The following SENP2 variants were observed in gnomAD, a reference collection of about 807,000 sequenced individuals.
SENP2 encodes sentrin-specific protease 2.
SENP2 carries 16 observed loss-of-function variants against 86.3 expected under a neutral mutation model. The observed-to-expected ratio is 0.19, with a 90% CI of 0.13 to 0.28. The LOEUF (loss-of-function observed/expected upper bound fraction) is 0.28, where lower values mean the gene tolerates loss of function less well. SENP2 is among the 10% of genes least tolerant of loss of function. SENP2 has a pLI of 1.00. For missense variants in SENP2, 552 were observed against 703.0 expected (o/e 0.79, Z 2.43); for synonymous variants, 222 against 238.7 (o/e 0.93, Z 0.64).
At chr3:185,621,255 A>C (rs950852373) in intron 13 of SENP2, among the ~76,000 whole-genome samples, 4 of 138,968 alleles carry the variant, frequency 2.9e-5, no homozygotes, top group Non-Finnish European at 4.7e-5. Flanking sequence ...AAGTCTCATC[A>C]CTCTGAGAGG....
In SENP2 at chr3:185,592,011, C is replaced by CTTTTTTTTTTTTTTTTTT. The variant is rs149268515; in HGVS notation, c.157+1848_157+1865dup. 1.7e-3 allele frequency among the ~76,000 whole-genome samples: 109 copies of CTTTTTTTTTTTTTTTTTT among 65,786 alleles called. 19 individuals are homozygous for CTTTTTTTTTTTTTTTTTT. Among genetic ancestry groups the CTTTTTTTTTTTTTTTTTT allele is most frequent in the Non-Finnish European group, 2.2e-3 (79 of 36,696 alleles). 43.2% of individuals were successfully genotyped at this position (65,786 alleles called of 152,430 possible). A position where few individuals can be genotyped will look rare whatever the true frequency, so the allele number is the denominator to read the frequency against. On this transcript the variant is annotated intron_variant, in intron 2 of 16. Transcript: ENST00000296257. Reference sequence around the variant, plus strand: ...CTGTCTTTAAGAACCGGTAATATTTCTTTTTTTTTTTTTTTTTTTTTTTGA... The same window carrying CTTTTTTTTTTTTTTTTTT: ...CTGTCTTTAAGAACCGGTAATATTTCTTTTTTTTTTTTTTTTTTTTTTTTTTTTTTTTTTTTTTTTTGA...
Position 185,631,411 on chromosome 3 carries a change from T to G in SENP2, c.*1567T>G, listed in dbSNP as rs1712449031. ...GGGTGATGACTGAAGCGGGAGCAGG[T>G]TGTACCACACCTCTCCCCCCCCCCT... On this transcript the variant is annotated 3_prime_UTR_variant, in exon 17 of 17. Coordinates refer to ENST00000296257, the MANE Select transcript of SENP2 (RefSeq NM_021627.3). 8.2e-6 allele frequency: 1 copy of G among 122,574 alleles called. No individual in the cohort carries two copies. The highest frequency in any genetic ancestry group is 1.7e-5 in the Non-Finnish European group (1 of 59,618). The allele number at this position is 122,574 out of a possible 1,614,324, so 7.6% of individuals were successfully genotyped here. A position where few individuals can be genotyped will look rare whatever the true frequency, so the allele number is the denominator to read the frequency against.
At chr3:185,607,617 A>G (rs1014538173) in intron 6 of SENP2, among the ~76,000 whole-genome samples, 6 of 152,336 alleles carry the variant, frequency 3.9e-5, no homozygotes, top group African/African-American at 1.4e-4. Flanking sequence ...GGCATGAGCC[A>G]CTGAGCCTGG....
intron 11 of SENP2, among the ~76,000 whole-genome samples, chr3:185,616,643 C>T (rs1296634923): frequency 1.3e-5 from 2 of 151,910 alleles, no homozygotes; most frequent in Non-Finnish European, 2.9e-5. Context: ...GGCGTGGTGG[C>T]GGGCGCCTGT....
intron 2 of SENP2, among the ~76,000 whole-genome samples, chr3:185,590,540 CTG>C (rs1385378715): frequency 1.3e-5 from 2 of 148,516 alleles, no homozygotes; most frequent in Non-Finnish European, 3.0e-5. Flanking sequence ...CAGAGCAGGA[CTG>C]TGTCAGGAAA....
At chr3:185,590,856 A>G (rs1341020043) in intron 2 of SENP2, among the ~76,000 whole-genome samples, 2 of 101,330 alleles carry the variant, frequency 2.0e-5, no homozygotes, top group Non-Finnish European at 3.7e-5. Flanking sequence ...CGACAGAGCG[A>G]CACTCCATCT....
chr3:185,611,684 C>A lies in SENP2; in HGVS notation c.756C>A (p.Thr252=). The change falls in exon 8 of 17, where the codon ACC becomes ACA. Residue 252 remains threonine (T), a synonymous_variant. Transcript: ENST00000296257. ...SQRSQMDTLK[T]KGWGEEQNHG... is the part of the protein sequence containing the mutation. Reference sequence around the variant, plus strand: ...GAAGTCAGATGGACACATTAAAGACCAAAGGCTGGGGGGAAGAGCAAAATC... The same window carrying A: ...GAAGTCAGATGGACACATTAAAGACAAAAGGCTGGGGGGAAGAGCAAAATC... The A allele has an allele frequency of 2.5e-6, 4 of 1,613,640 alleles. No homozygotes were observed. The highest frequency in any genetic ancestry group is 3.4e-6 in the Non-Finnish European group (4 of 1,179,870).
intron 13 of SENP2, 94 bp downstream of exon 13, chr3:185,619,596 C>A: frequency 1.1e-6 from 1 of 889,376 alleles, no homozygotes; most frequent in Non-Finnish European, 1.7e-6. Flanking sequence ...GTATAGAGGC[C>A]AATAGTATAT....
intron 11 of SENP2, among the ~76,000 whole-genome samples, chr3:185,616,824 G>A (rs1383809611): frequency 6.7e-6 from 1 of 149,390 alleles, no homozygotes; most frequent in Non-Finnish European, 1.5e-5. Context: ...TTACTATTAT[G>A]AAGGGAGCAA....
chr3:185,613,263 C>T (rs1156426256), intron 9 of SENP2, 82 bp from the exon 10 acceptor site: 24 of 848,064 alleles, frequency 2.8e-5, no homozygotes, highest in African/African-American at 1.4e-4. Flanking sequence ...GTACAAATTA[C>T]GAAATCTTAT....
chr3:185,615,669 T>A (rs1711571234), intron 11 of SENP2, among the ~76,000 whole-genome samples: 1 of 152,098 alleles, frequency 6.6e-6, no homozygotes, highest in Admixed American at 6.6e-5. Flanking sequence ...TCTATTGGGT[T>A]TATAGATTTA....
chr3:185,590,415 G>T (rs535012983), intron 2 of SENP2, among the ~76,000 whole-genome samples: 1 of 151,628 alleles, frequency 6.6e-6, no homozygotes, highest in African/African-American at 2.4e-5. Context: ...TGCTGTGGTG[G>T]CAGGAGCTTG....
Position 185,598,452 on chromosome 3 carries a change from T to C in SENP2, c.198T>C (p.Ala66=), listed in dbSNP as rs1204909210. The change falls in exon 3 of 17, where the codon GCT becomes GCC. Residue 66 remains alanine (A), a synonymous_variant. Transcript: ENST00000296257. ...AAGTGAAAAACAGTCTCTACAATGC[T>C]GCCAGCTTATTTGGATTCCCATTCC... ...IHQVKNSLYN[A]ASLFGFPFQL... 1 of 1,613,996 alleles carries C rather than the reference T, an allele frequency of 6.2e-7. No individual in the cohort carries two copies. Among genetic ancestry groups the C allele is most frequent in the Non-Finnish European group, 8.5e-7 (1 of 1,179,954 alleles).
At chr3:185,619,170 C>G in intron 12 of SENP2, 129 bp from the exon 13 acceptor site, 1 of 670,034 alleles carries the variant, frequency 1.5e-6, no homozygotes, top group Non-Finnish European at 2.6e-6. Context: ...TCCCTGTCTT[C>G]TACTATAGAC....
At position 185,587,570 on chromosome 3, in the gene SENP2, A is replaced by ATTTTTTTTTTTTTTT. The variant is rs398052522; in HGVS notation, c.101+1070_101+1071insTTTTTTTTTTTTTTT. On this transcript the variant is annotated intron_variant, in intron 1 of 16. Coordinates refer to ENST00000296257, the MANE Select transcript of SENP2 (RefSeq NM_021627.3). ...CTTCAACTTTAGTGATCAAGTGTTA[A>ATTTTTTTTTTTTTTT]TTTTTTTTTTTTTTGAGAAGGAGTC... Among the ~76,000 whole-genome samples the ATTTTTTTTTTTTTTT allele has an allele frequency of 5.4e-3, 645 of 118,598 alleles. 66 individuals carry two copies. Among genetic ancestry groups the ATTTTTTTTTTTTTTT allele is most frequent in the Admixed American group, 0.032 (340 of 10,540 alleles). The allele number at this position is 118,598 out of a possible 152,430, so 77.8% of individuals were successfully genotyped here. A position where few individuals can be genotyped will look rare whatever the true frequency, so the allele number is the denominator to read the frequency against.
At chr3:185,622,257 A>G (rs1470400002) in intron 14 of SENP2, among the ~76,000 whole-genome samples, 1 of 152,162 alleles carries the variant, frequency 6.6e-6, no homozygotes, top group African/African-American at 2.4e-5. Flanking sequence ...TATGCTTTCC[A>G]TGAGAGTTGG....
Position 185,614,551 on chromosome 3 carries a change from A to G in SENP2, c.934-13A>G. On this transcript the variant is annotated splice_polypyrimidine_tract_variant and intron_variant, in intron 10 of 16. Transcript: ENST00000296257. ...CAAACATGTCAGTAGAATTTAGATA[A>G]TTTTTTGATCAGAGGAGGGGATACC... 6.3e-7 allele frequency: 1 copy of G among 1,587,206 alleles called. No individual in the cohort carries two copies.
intron 5 of SENP2, among the ~76,000 whole-genome samples, chr3:185,601,854 T>C (rs1722357034): frequency 6.6e-6 from 1 of 152,004 alleles, no homozygotes; most frequent in African/African-American, 2.4e-5. Flanking sequence ...GCCAGGCCAG[T>C]CTCAAACTCC....
chr3:185,631,067 A>T lies in SENP2; in HGVS notation c.*1223A>T, dbSNP rs935056106. 2.0e-5 allele frequency: 3 copies of T among 152,118 alleles called. No homozygotes were observed. Among genetic ancestry groups the T allele is most frequent in the Non-Finnish European group, 4.4e-5 (3 of 68,016 alleles). The allele number at this position is 152,118 out of a possible 1,614,324, so 9.4% of individuals were successfully genotyped here. ...TCTAGTGCCTAGTGTTGCTTTTCTGATGTAATAAAAGGTGGTCTGGCAGAA... is the reference window on the plus strand; with the variant it reads ...TCTAGTGCCTAGTGTTGCTTTTCTGTTGTAATAAAAGGTGGTCTGGCAGAA... On this transcript the variant is annotated 3_prime_UTR_variant, in exon 17 of 17. Transcript: ENST00000296257.
Sources: gnomAD v4.1 joint callset for allele counts (sites outside exome capture counted in the v4.1 genomes callset) on GRCh38, gnomAD v4.1.1 for gene constraint, MANE v1.5 for transcripts, NCBI Gene and HGNC (gene_info 2026-07-23, HGNC 2026-07-21) for gene names.